Variants in INIP observed in about 807,000 individuals in gnomAD.
INIP encodes the protein INTS3 and NABP interacting protein.
A neutral mutation model predicts 14.0 loss-of-function variants in INIP; 9 were observed. The observed-to-expected ratio is 0.64, with a 90% confidence interval of 0.39 to 1.12. The LOEUF (loss-of-function observed/expected upper bound fraction) is 1.12. Ranked by LOEUF, INIP falls within the 50% of genes most tolerant of loss-of-function variation. The pLI, the probability that INIP is intolerant of heterozygous loss-of-function variation, is 0.01. For missense variants in INIP, 78 were observed against 122.7 expected, an observed-to-expected ratio of 0.64 and a Z score of 1.72; for synonymous variants, 37 against 41.5, an observed-to-expected ratio of 0.89 and a Z score of 0.41.
At chr9:112,700,508 T>G (rs1350443990) in intron 2 of INIP, among the ~76,000 whole-genome samples, 2 of 145,702 alleles carry the variant, frequency 1.4e-5, no homozygotes, top group African/African-American at 2.6e-5. Flanking sequence ...AAAAGACTTA[T>G]AAATTAGGTA....
chr9:112,714,836 T>TGCAAACATCAGAGTGTACTTAC (rs1838754904), intron 2 of INIP, among the ~76,000 whole-genome samples: 1 of 152,324 alleles, frequency 6.6e-6, no homozygotes, highest in Admixed American at 6.5e-5. Context: ...TTTTGTGTTA[T>TGCAAACATCAGAGTGTACTTAC]GCAAACATCA....
intron 2 of INIP, among the ~76,000 whole-genome samples, chr9:112,704,184 G>C (rs1349129462): frequency 6.6e-6 from 1 of 152,144 alleles, no homozygotes; most frequent in Non-Finnish European, 1.5e-5. Context: ...GATCAGCACA[G>C]GCCCTAACAC....
At chr9:112,707,756 CTTAAA>C (rs1838526887) in intron 2 of INIP, among the ~76,000 whole-genome samples, 2 of 152,156 alleles carry the variant, frequency 1.3e-5, no homozygotes, top group Non-Finnish European at 1.5e-5. Context: ...TAAAAGATTA[CTTAAA>C]TCCTGTCAAG....
intron 1 of INIP, 114 bp from the exon 2 acceptor site, chr9:112,716,655 GAT>G: frequency 1.9e-6 from 1 of 526,478 alleles, no homozygotes; most frequent in Non-Finnish European, 3.4e-6. Flanking sequence ...TCTTCAGAAA[GAT>G]ACATTTGTGC....
intron 2 of INIP, among the ~76,000 whole-genome samples, chr9:112,710,426 A>G (rs1164716187): frequency 6.6e-6 from 1 of 152,214 alleles, no homozygotes; most frequent in African/African-American, 2.4e-5. Context: ...TCACATCATC[A>G]TAGGACCTTG....
chr9:112,704,376 G>C (rs944296707), intron 2 of INIP, among the ~76,000 whole-genome samples: 1 of 152,170 alleles, frequency 6.6e-6, no homozygotes, highest in Non-Finnish European at 1.5e-5. Context: ...TAGCACCACT[G>C]CTACCAGAAA....
intron 4 of INIP, among the ~76,000 whole-genome samples, chr9:112,689,214 C>G (rs1330125583): frequency 6.6e-6 from 1 of 152,016 alleles, no homozygotes; most frequent in Admixed American, 6.6e-5. Context: ...AATGCATGTA[C>G]TATTTAGCCA....
intron 2 of INIP, among the ~76,000 whole-genome samples, chr9:112,704,517 T>TA (rs199724944): frequency 7.3e-5 from 11 of 151,456 alleles, no homozygotes; most frequent in African/African-American, 2.2e-4. Context: ...GGCATGAACT[T>TA]AAAAAAAAAT....
At chr9:112,688,585 C>T (rs959450534) in intron 4 of INIP, among the ~76,000 whole-genome samples, 1 of 151,750 alleles carries the variant, frequency 6.6e-6, no homozygotes, top group East Asian at 1.9e-4. Context: ...CTTTGGGTGA[C>T]TGAGGTGGGA....
chr9:112,700,291 C>T (rs960942351), intron 2 of INIP, among the ~76,000 whole-genome samples: 39 of 152,122 alleles, frequency 2.6e-4, no homozygotes, highest in Admixed American at 2.6e-3. Flanking sequence ...TGAACTATCT[C>T]AAACTACTTC....
chr9:112,695,113 T>C (rs1264376407), intron 2 of INIP, among the ~76,000 whole-genome samples: 1 of 152,078 alleles, frequency 6.6e-6, no homozygotes, highest in African/African-American at 2.4e-5. Context: ...AACTAAGAAA[T>C]AGTTGTCCCC....
In INIP at chr9:112,689,609, A is replaced by T; in HGVS notation, c.137T>A (p.Leu46His). Residue 46 changes from leucine (L) to histidine (H), a missense_variant, in exon 4 of 5, where the codon CTC (leucine) becomes CAC (histidine). Transcript: ENST00000374242. ...STNHPGASIA[L>H]SRPSLNKDFR... ...GTCCTTATTAAGAGAGGGTCTCGAGAGTGCAATGCTAAAATGGGAATCTTG... is the reference window on the plus strand; with the variant it reads ...GTCCTTATTAAGAGAGGGTCTCGAGTGTGCAATGCTAAAATGGGAATCTTG... 6.2e-7 allele frequency: 1 copy of T among 1,613,620 alleles called. No homozygotes were observed. Among genetic ancestry groups the T allele is most frequent in the Non-Finnish European group, 8.5e-7 (1 of 1,179,582 alleles).
At chr9:112,701,766 A>G (rs901133430) in intron 2 of INIP, 2 of 152,222 alleles carry the variant, frequency 1.3e-5, no homozygotes, top group African/African-American at 4.8e-5. Context: ...CTATAAATAT[A>G]AAATAGGGCC....
chr9:112,716,339 G>C (rs757599775), intron 2 of INIP, 122 bp downstream of exon 2: 18 of 888,148 alleles, frequency 2.0e-5, no homozygotes, highest in Middle Eastern at 2.2e-4. Flanking sequence ...ACCGCTCCCG[G>C]CCTGCTATTC....
chr9:112,688,936 A>G (rs1837780376), intron 4 of INIP, among the ~76,000 whole-genome samples: 1 of 151,272 alleles, frequency 6.6e-6, no homozygotes. Flanking sequence ...ACAAGTGATT[A>G]AATTATGCCT....
chr9:112,708,728 A>C (rs1279440332), intron 2 of INIP, among the ~76,000 whole-genome samples: 1 of 151,562 alleles, frequency 6.6e-6, no homozygotes, highest in Non-Finnish European at 1.5e-5. Context: ...ACAGGGTCTC[A>C]CTCTGTTGTG....
At chr9:112,688,018 G>A (rs978733195) in intron 4 of INIP, among the ~76,000 whole-genome samples, 2 of 152,004 alleles carry the variant, frequency 1.3e-5, no homozygotes, top group African/African-American at 4.8e-5. Context: ...CCTGGGAGGT[G>A]GAGCTTGCAG....
At chr9:112,692,852 A>C (rs1045731059) in intron 3 of INIP, among the ~76,000 whole-genome samples, 1 of 151,764 alleles carries the variant, frequency 6.6e-6, no homozygotes, top group Non-Finnish European at 1.5e-5. Flanking sequence ...CAGCCTGGGC[A>C]ACACAAGACC....
At position 112,683,999 on chromosome 9, in the gene INIP, C is replaced by T. The variant is rs548437653; in HGVS notation, c.*3539G>A. Reference sequence around the variant, plus strand: ...CACTGACATCTGCATTATTTAGAAGCGGCTTTCAAAACTTTTTTTGCCATA... The same window carrying T: ...CACTGACATCTGCATTATTTAGAAGTGGCTTTCAAAACTTTTTTTGCCATA... On this transcript the variant is annotated 3_prime_UTR_variant, in exon 5 of 5. Coordinates refer to ENST00000374242, the MANE Select transcript of INIP (RefSeq NM_021218.3). 5.3e-5 allele frequency: 8 copies of T among 152,158 alleles called. No homozygotes were observed. Among genetic ancestry groups the T allele is most frequent in the South Asian group, 2.1e-4 (1 of 4,812 alleles). The allele number at this position is 152,158 out of a possible 1,614,324, so 9.4% of individuals were successfully genotyped here. A position where few individuals can be genotyped will look rare whatever the true frequency, so the allele number is the denominator to read the frequency against.
Sources: allele counts gnomAD v4.1 joint callset (sites outside exome capture counted in the v4.1 genomes callset), GRCh38; gene constraint gnomAD v4.1.1; transcripts MANE v1.5; gene names NCBI Gene and HGNC (gene_info 2026-07-23, HGNC 2026-07-21).